NSMCE2: variants seen among roughly 807,000 people sequenced by gnomAD.
The protein encoded by NSMCE2 is NSE2 SUMO ligase component of SMC5/6 complex.
A neutral mutation model predicts 23.8 loss-of-function variants in NSMCE2; 24 were observed. The ratio of observed to expected loss-of-function variants is 1.01; its 90% CI spans 0.73 to 1.42. The LOEUF (loss-of-function observed/expected upper bound fraction) is 1.42. NSMCE2 is among the 40% of genes most tolerant of loss of function. The pLI, the probability that NSMCE2 is intolerant of heterozygous loss-of-function variation, is 0.00. For synonymous variants in NSMCE2, 92 were observed against 94.1 expected (o/e 0.98, Z 0.13); for missense variants, 284 against 296.5 (o/e 0.96, Z 0.31).
chr8:125,176,228 C>T (rs1822484399), intron 4 of NSMCE2, among the ~76,000 whole-genome samples: 1 of 152,168 alleles, frequency 6.6e-6, no homozygotes, highest in African/African-American at 2.4e-5. Context: ...TGGAGTCAGC[C>T]TTTGCGCATA....
Position 125,284,165 on chromosome 8 carries a change from A to T in NSMCE2, c.419-73054A>T, listed in dbSNP as rs865961900. Among the ~76,000 whole-genome samples the T allele has an allele frequency of 4.6e-5, 7 of 151,418 alleles. No homozygotes were observed. In the South Asian group the frequency reaches 1.1e-3, roughly 23 times the overall value. On this transcript the variant is annotated intron_variant, in intron 5 of 7. Transcript: ENST00000287437. Reference sequence around the variant, plus strand: ...CGAGACTCCGGAAAAAGAAAAAAAAAAAAAGAATGACTCAAGTAAACATTT... The same window carrying T: ...CGAGACTCCGGAAAAAGAAAAAAAATAAAAGAATGACTCAAGTAAACATTT...
intron 5 of NSMCE2, among the ~76,000 whole-genome samples, chr8:125,311,029 A>T (rs1828955256): frequency 6.6e-6 from 1 of 152,192 alleles, no homozygotes; most frequent in Non-Finnish European, 1.5e-5. Flanking sequence ...AACCGAATTG[A>T]TTTTTATCAG....
chr8:125,349,056 CACACACAG>C (rs1339544267), intron 5 of NSMCE2, among the ~76,000 whole-genome samples: 24 of 142,518 alleles, frequency 1.7e-4, no homozygotes, highest in Non-Finnish European at 3.0e-4. Context: ...CACACACACA[CACACACAG>C]AGCTCTTAAT....
Position 125,357,757 on chromosome 8 carries a change from T to A in NSMCE2, c.565T>A (p.Tyr189Asn), listed in dbSNP as rs1446283616. 6.2e-7 allele frequency: 1 copy of A among 1,614,152 alleles called. No homozygotes were observed. Among genetic ancestry groups the A allele is most frequent in the South Asian group, 1.1e-5 (1 of 91,086 alleles). Residue 189 changes from tyrosine to asparagine, a missense_variant, in exon 7 of 8, where the codon TAT (tyrosine) becomes AAT (asparagine). Around this residue, in one of 2 missense-constraint regions of NSMCE2, gnomAD observed 102 missense variants for 141.0 expected, o/e 0.72. Coordinates refer to ENST00000287437, the MANE Select transcript of NSMCE2 (RefSeq NM_173685.4). ...GAAAAATAAAGTGTGTGGCCACACC[T>A]ATGAAGAGGACGCCATTGTTCGCAT... The part of the protein sequence containing the change: ...PVKNKVCGHT[Y>N]EEDAIVRMIE...
intron 5 of NSMCE2, among the ~76,000 whole-genome samples, chr8:125,209,460 C>T (rs1184660136): frequency 2.0e-5 from 3 of 152,070 alleles, no homozygotes; most frequent in Admixed American, 1.3e-4. Flanking sequence ...TATATTTAAA[C>T]TATTTTGAGA....
At chr8:125,262,672 G>T (rs1352947980) in intron 5 of NSMCE2, among the ~76,000 whole-genome samples, 2 of 152,082 alleles carry the variant, frequency 1.3e-5, no homozygotes, top group East Asian at 3.9e-4. Flanking sequence ...GTGTCATGGT[G>T]TAAGCATTAC....
At chr8:125,240,527 G>A (rs765307808) in intron 5 of NSMCE2, among the ~76,000 whole-genome samples, 6 of 152,188 alleles carry the variant, frequency 3.9e-5, no homozygotes, top group African/African-American at 9.7e-5. Context: ...AAATGGCTGA[G>A]TAAACAGAGG....
chr8:125,102,172 T>C (rs898339943), intron 2 of NSMCE2, 26 bp downstream of exon 2: 1 of 611,012 alleles, frequency 1.6e-6, no homozygotes, highest in Admixed American at 2.9e-5. Flanking sequence ...ATTTGGTGTC[T>C]TCTCTATAGG....
intron 4 of NSMCE2, among the ~76,000 whole-genome samples, chr8:125,181,148 T>G (rs1822785269): frequency 6.6e-6 from 1 of 152,142 alleles, no homozygotes; most frequent in African/African-American, 2.4e-5. Context: ...GCAGCTTGAC[T>G]ATAGTGGCTA....
chr8:125,324,575 T>TATGATGCAAATTGATG, intron 5 of NSMCE2, among the ~76,000 whole-genome samples: 1 of 81,586 alleles, frequency 1.2e-5, no homozygotes, highest in South Asian at 4.1e-4. Flanking sequence ...TAAAATTCTT[T>TATGATGCAAATTGATG]TTTTTTTTTT....
intron 5 of NSMCE2, among the ~76,000 whole-genome samples, chr8:125,214,588 CG>C (rs997457222): frequency 6.6e-6 from 1 of 152,000 alleles, no homozygotes; most frequent in Non-Finnish European, 1.5e-5. Context: ...TTTTTTAGAC[CG>C]TTTTTAGGTT....
chr8:125,146,699 G>A (rs1308073796), intron 3 of NSMCE2, among the ~76,000 whole-genome samples: 3 of 152,076 alleles, frequency 2.0e-5, no homozygotes, highest in African/African-American at 7.2e-5. Context: ...TGAACAATGA[G>A]AACACATGGT....
chr8:125,262,860 G>C (rs1017611052), intron 5 of NSMCE2, among the ~76,000 whole-genome samples: 6 of 152,160 alleles, frequency 3.9e-5, no homozygotes, highest in African/African-American at 1.4e-4. Flanking sequence ...GGAAGTCCCA[G>C]GTGTTATATA....
intron 5 of NSMCE2, among the ~76,000 whole-genome samples, chr8:125,236,798 ATCTT>A (rs2130964133): frequency 6.6e-6 from 1 of 150,890 alleles, no homozygotes; most frequent in East Asian, 1.9e-4. Flanking sequence ...TTGGTACACT[ATCTT>A]TCTTTTCTTT....
At chr8:125,360,698 C>G (rs900698478) in intron 7 of NSMCE2, among the ~76,000 whole-genome samples, 1 of 152,188 alleles carries the variant, frequency 6.6e-6, no homozygotes, top group African/African-American at 2.4e-5. Context: ...GAAACCAACT[C>G]CAGAAGTTTC....
At chr8:125,149,752 A>G (rs1820891749) in intron 3 of NSMCE2, among the ~76,000 whole-genome samples, 1 of 152,194 alleles carries the variant, frequency 6.6e-6, no homozygotes, top group African/African-American at 2.4e-5. Context: ...ACTAATATAA[A>G]TAGTTACAAT....
chr8:125,111,282 C>T (rs916524903), intron 3 of NSMCE2, among the ~76,000 whole-genome samples: 2 of 152,126 alleles, frequency 1.3e-5, no homozygotes, highest in African/African-American at 4.8e-5. Flanking sequence ...TGACCTTTTA[C>T]ATTTGCAAAT....
intron 3 of NSMCE2, among the ~76,000 whole-genome samples, chr8:125,118,627 T>C (rs556573286): frequency 6.6e-6 from 1 of 152,328 alleles, no homozygotes; most frequent in Non-Finnish European, 1.5e-5. Context: ...TTTAGGATTA[T>C]ATAAAAGATA....
chr8:125,216,144 G>T (rs916769764), intron 5 of NSMCE2, among the ~76,000 whole-genome samples: 5 of 152,322 alleles, frequency 3.3e-5, no homozygotes, highest in African/African-American at 7.2e-5. Context: ...GTTGTAGCAT[G>T]TATTACTATT....
Sources: gnomAD v4.1 joint callset for allele counts (sites outside exome capture counted in the v4.1 genomes callset) on GRCh38, gnomAD v4.1.1 for gene constraint, gnomAD v4.1.1 regional missense constraint, MANE v1.5 for transcripts, NCBI Gene and HGNC (gene_info 2026-07-23, HGNC 2026-07-21) for gene names.